RBFOX1: variants seen among roughly 807,000 people sequenced by gnomAD.
RBFOX1 encodes RNA binding fox-1 homolog 1, also known as RNA binding protein fox-1 homolog 1.
RBFOX1 carries 8 observed loss-of-function variants against 57.7 expected under a neutral mutation model. The ratio of observed to expected loss-of-function variants is 0.14; its 90% CI spans 0.08 to 0.25. RBFOX1 has a LOEUF of 0.25. Ranked by LOEUF, RBFOX1 falls within the 10% of genes least tolerant of loss-of-function variation. The probability of loss-of-function intolerance (pLI) is 1.00; values close to 1 mark genes in which losing one functional copy is unlikely to be tolerated. For synonymous variants in RBFOX1, 326 were observed against 222.4 expected (o/e 1.47, Z -4.15); for missense variants, 611 against 548.5 (o/e 1.11, Z -1.14).
chr16:5,487,011 C>G (rs1028223479), intron 2 of RBFOX1, among the ~76,000 whole-genome samples: 1 of 152,110 alleles, frequency 6.6e-6, no homozygotes, highest in Non-Finnish European at 1.5e-5. Flanking sequence ...AAGTGTCCTT[C>G]CCAGAATTTT....
intron 2 of RBFOX1, among the ~76,000 whole-genome samples, chr16:6,653,766 G>C (rs2098620924): frequency 1.3e-5 from 2 of 151,456 alleles, no homozygotes; most frequent in Non-Finnish European, 2.9e-5. Context: ...AGATGAATGG[G>C]TGGATGGATG....
chr16:6,804,591 G>A (rs540625416), intron 3 of RBFOX1, among the ~76,000 whole-genome samples: 7 of 152,200 alleles, frequency 4.6e-5, no homozygotes, highest in African/African-American at 1.4e-4. Flanking sequence ...AAGATTGATT[G>A]GATTAATATC....
chr16:6,105,134 A>G (rs1417542303), intron 1 of RBFOX1, among the ~76,000 whole-genome samples: 1 of 152,240 alleles, frequency 6.6e-6, no homozygotes, highest in Non-Finnish European at 1.5e-5. Flanking sequence ...CTTACAGCTC[A>G]TCATTCCTCT....
At chr16:6,984,772 C>G (rs1056320731) in intron 3 of RBFOX1, among the ~76,000 whole-genome samples, 1 of 152,080 alleles carries the variant, frequency 6.6e-6, no homozygotes, top group Admixed American at 6.6e-5. Context: ...TCCTGAGTAG[C>G]TAAGATTAGA....
At chr16:6,851,131 C>G (rs998168320) in intron 3 of RBFOX1, among the ~76,000 whole-genome samples, 2 of 152,120 alleles carry the variant, frequency 1.3e-5, no homozygotes, top group Non-Finnish European at 2.9e-5. Context: ...GGAAAAAAAG[C>G]CCATTTCTAA....
At chr16:6,784,146 G>T (rs1001981115) in intron 3 of RBFOX1, among the ~76,000 whole-genome samples, 2 of 151,820 alleles carry the variant, frequency 1.3e-5, no homozygotes, top group Non-Finnish European at 2.9e-5. Flanking sequence ...TGACTTTCTT[G>T]TACCTGGATA....
chr16:6,170,032 G>T (rs1463025178), intron 1 of RBFOX1, among the ~76,000 whole-genome samples: 2 of 152,132 alleles, frequency 1.3e-5, no homozygotes, highest in Non-Finnish European at 2.9e-5. Context: ...GCCTCCCAAA[G>T]TGCTAGATTA....
chr16:5,336,940 G>A (rs1410641071), intron 1 of RBFOX1, among the ~76,000 whole-genome samples: 2 of 152,226 alleles, frequency 1.3e-5, no homozygotes, highest in Non-Finnish European at 2.9e-5. Flanking sequence ...CCTCCTGGCT[G>A]CATCTGACAG....
chr16:7,043,754 CT>C (rs1161820948), intron 3 of RBFOX1, among the ~76,000 whole-genome samples: 1 of 152,114 alleles, frequency 6.6e-6, no homozygotes, highest in Non-Finnish European at 1.5e-5. Flanking sequence ...CTTTGGACTC[CT>C]ACTTTCCCCA....
chr16:7,308,427 C>G (rs913535217), intron 4 of RBFOX1, among the ~76,000 whole-genome samples: 2 of 151,990 alleles, frequency 1.3e-5, no homozygotes, highest in Non-Finnish European at 2.9e-5. Flanking sequence ...CTGTCAAGCC[C>G]TATCCACTGA....
At chr16:7,328,072 C>G (rs1168042147) in intron 4 of RBFOX1, among the ~76,000 whole-genome samples, 3 of 152,172 alleles carry the variant, frequency 2.0e-5, no homozygotes, top group Non-Finnish European at 4.4e-5. Context: ...TGTTGGCTCT[C>G]TTTGTTAGTC....
intron 3 of RBFOX1, among the ~76,000 whole-genome samples, chr16:6,708,557 T>G (rs1479687720): frequency 6.6e-6 from 1 of 152,232 alleles, no homozygotes; most frequent in Non-Finnish European, 1.5e-5. Context: ...TTTTGCCCAA[T>G]GATTTAAGAT....
chr16:6,749,885 T>G (rs189650282), intron 3 of RBFOX1, among the ~76,000 whole-genome samples: 1 of 152,312 alleles, frequency 6.6e-6, no homozygotes, highest in Admixed American at 6.5e-5. Context: ...CTGAAAGACT[T>G]CTCCATTTCT....
At chr16:6,635,296 C>G (rs1437230708) in intron 2 of RBFOX1, among the ~76,000 whole-genome samples, 1 of 151,746 alleles carries the variant, frequency 6.6e-6, no homozygotes, top group Non-Finnish European at 1.5e-5. Flanking sequence ...TTAACCTTGT[C>G]TCTGAGTAGC....
At chr16:6,829,632 C>T (rs1252480983) in intron 3 of RBFOX1, among the ~76,000 whole-genome samples, 7 of 151,948 alleles carry the variant, frequency 4.6e-5, no homozygotes, top group African/African-American at 7.3e-5. Flanking sequence ...GACGGAGTCT[C>T]GCTCTGTCAC....
intron 3 of RBFOX1, among the ~76,000 whole-genome samples, chr16:5,617,944 C>G (rs534536883): frequency 4.6e-5 from 7 of 152,294 alleles, no homozygotes; most frequent in Admixed American, 2.6e-4. Context: ...AGCCATCAGT[C>G]TTTTGTTCAA....
intron 4 of RBFOX1, among the ~76,000 whole-genome samples, chr16:7,228,123 G>T (rs1188794244): frequency 6.6e-6 from 1 of 152,100 alleles, no homozygotes; most frequent in African/African-American, 2.4e-5. Flanking sequence ...CAGGAAGGTG[G>T]CAAAGATGAG....
intron 5 of RBFOX1, among the ~76,000 whole-genome samples, chr16:7,567,154 TATATATATCC>T (rs1312263700): frequency 8.9e-4 from 131 of 146,742 alleles, no homozygotes; most frequent in African/African-American, 3.0e-3. Context: ...TATATCCCTA[TATATATATCC>T]ATATATATAT....
intron 3 of RBFOX1, among the ~76,000 whole-genome samples, chr16:5,756,502 C>G (rs528829081): frequency 2.6e-5 from 4 of 152,270 alleles, no homozygotes; most frequent in African/African-American, 9.6e-5. Context: ...ACCTCCTTCT[C>G]CATCCAGGCC....
Sources: gnomAD v4.1 joint callset for allele counts (sites outside exome capture counted in the v4.1 genomes callset) on GRCh38, gnomAD v4.1.1 for gene constraint, MANE v1.5 for transcripts, NCBI Gene and HGNC (gene_info 2026-07-23, HGNC 2026-07-21) for gene names.